HS3ST4: variants seen among roughly 807,000 people sequenced by gnomAD.
HS3ST4 encodes the protein heparan sulfate glucosamine 3-O-sulfotransferase 4.
A neutral mutation model predicts 29.2 loss-of-function variants in HS3ST4; 17 were observed. The ratio of observed to expected loss-of-function variants is 0.58; its 90% CI spans 0.40 to 0.87. HS3ST4 has a LOEUF of 0.87. Ranked by LOEUF, HS3ST4 falls within the 40% of genes least tolerant of loss-of-function variation. The probability of loss-of-function intolerance (pLI) is 0.00; values close to 1 mark genes in which losing one functional copy is unlikely to be tolerated. For missense variants in HS3ST4, 627 were observed against 634.5 expected (o/e 0.99, Z 0.13); for synonymous variants, 314 against 285.7 (o/e 1.10, Z -1.00).
rs180731856 is a variant in HS3ST4, at chr16:25,832,359, C to T, written c.734+139208C>T. On this transcript the variant is annotated intron_variant, in intron 1 of 1. Transcript: ENST00000331351. ...TGAACACAGAGAGCCCCTGGGCTGG[C>T]GGAGAGGCTAGGGCCCCACTGGCTC... 9.5e-4 allele frequency among the ~76,000 whole-genome samples: 144 copies of T among 152,266 alleles called. No homozygotes were observed. In the Middle Eastern group the frequency reaches 0.01, roughly 11 times the overall value.
chr16:26,029,498 C>T (rs187811844), intron 1 of HS3ST4, among the ~76,000 whole-genome samples: 17 of 152,186 alleles, frequency 1.1e-4, no homozygotes, highest in African/African-American at 2.9e-4. Context: ...CTGCAACCTC[C>T]GATTCCTGGG....
At chr16:26,066,536 C>T (rs2141773842) in intron 1 of HS3ST4, among the ~76,000 whole-genome samples, 1 of 152,140 alleles carries the variant, frequency 6.6e-6, no homozygotes, top group East Asian at 1.9e-4. Context: ...CCTTCTCTCC[C>T]TCTCTTCTTT....
intron 1 of HS3ST4, among the ~76,000 whole-genome samples, chr16:26,049,145 T>G (rs1898305539): frequency 6.6e-6 from 1 of 152,084 alleles, no homozygotes; most frequent in African/African-American, 2.4e-5. Context: ...ATTATTTCCT[T>G]ATTTTCTAAA....
intron 1 of HS3ST4, among the ~76,000 whole-genome samples, chr16:25,811,087 A>T (rs1259983606): frequency 7.2e-5 from 11 of 152,208 alleles, no homozygotes; most frequent in African/African-American, 2.7e-4. Flanking sequence ...AAAAAACAAC[A>T]AAAAATTGGT....
intron 1 of HS3ST4, among the ~76,000 whole-genome samples, chr16:25,706,341 C>G (rs1202433624): frequency 6.6e-6 from 1 of 152,082 alleles, no homozygotes; most frequent in East Asian, 1.9e-4. Context: ...TAACTTTCCA[C>G]CTTCTAGTTG....
intron 1 of HS3ST4, among the ~76,000 whole-genome samples, chr16:25,758,460 C>T (rs1966770360): frequency 6.6e-6 from 1 of 152,120 alleles, no homozygotes; most frequent in Non-Finnish European, 1.5e-5. Flanking sequence ...AAGTCTGCTC[C>T]CTTTAGGGTC....
chr16:25,901,355 A>G (rs141804483), intron 1 of HS3ST4, among the ~76,000 whole-genome samples: 18 of 152,288 alleles, frequency 1.2e-4, no homozygotes, highest in Non-Finnish European at 2.4e-4. Flanking sequence ...AGTACTAGAA[A>G]ATCTTCAGCA....
At chr16:25,909,354 A>G (rs1225782730) in intron 1 of HS3ST4, among the ~76,000 whole-genome samples, 3 of 151,966 alleles carry the variant, frequency 2.0e-5, no homozygotes, top group African/African-American at 4.8e-5. Context: ...GCACCCAGCT[A>G]ATTTTTATAT....
intron 1 of HS3ST4, among the ~76,000 whole-genome samples, chr16:25,835,571 T>C (rs1967348659): frequency 1.3e-5 from 2 of 152,286 alleles, no homozygotes; most frequent in East Asian, 1.9e-4. Flanking sequence ...ATGCTTTACA[T>C]GCACTTCCCA....
At chr16:26,120,942 G>A (rs558884171) in intron 1 of HS3ST4, among the ~76,000 whole-genome samples, 4 of 152,312 alleles carry the variant, frequency 2.6e-5, no homozygotes, top group South Asian at 2.1e-4. Context: ...GTGTAATAGC[G>A]ACAATAATTA....
At chr16:26,029,930 G>A (rs1969516803) in intron 1 of HS3ST4, among the ~76,000 whole-genome samples, 1 of 152,136 alleles carries the variant, frequency 6.6e-6, no homozygotes, top group African/African-American at 2.4e-5. Context: ...TGCACACACT[G>A]ACCTCTTTGC....
chr16:26,131,745 A>G lies in HS3ST4; in HGVS notation c.735-3867A>G, dbSNP rs144061259. ...ACTGGATCGGAGCCCCAGGTGAGAG[A>G]TGAAAGTGGGGAAAAGGAAGATTAA... On this transcript the variant is annotated intron_variant, in intron 1 of 1. Coordinates refer to ENST00000331351, the MANE Select transcript of HS3ST4 (RefSeq NM_006040.3). 6.5e-3 allele frequency among the ~76,000 whole-genome samples: 988 copies of G among 152,286 alleles called. 4 individuals are homozygous for G. Among genetic ancestry groups the G allele is most frequent in the Non-Finnish European group, 1.0e-2 (677 of 68,032 alleles).
chr16:25,852,884 G>A (rs541755536), intron 1 of HS3ST4, among the ~76,000 whole-genome samples: 1 of 152,106 alleles, frequency 6.6e-6, no homozygotes, highest in African/African-American at 2.4e-5. Context: ...AATTTTGTGT[G>A]TGCAATGTGA....
intron 1 of HS3ST4, among the ~76,000 whole-genome samples, chr16:25,734,300 A>G (rs900013518): frequency 2.0e-5 from 3 of 152,202 alleles, no homozygotes; most frequent in South Asian, 2.1e-4. Context: ...CAAGTATGTA[A>G]AAATCGCAGA....
At chr16:26,114,576 G>A (rs1036724023) in intron 1 of HS3ST4, among the ~76,000 whole-genome samples, 3 of 152,272 alleles carry the variant, frequency 2.0e-5, no homozygotes, top group African/African-American at 4.8e-5. Context: ...ATGGTGTGAC[G>A]GGTCAATAGT....
At chr16:25,731,667 T>C (rs186647453) in intron 1 of HS3ST4, among the ~76,000 whole-genome samples, 41 of 152,308 alleles carry the variant, frequency 2.7e-4, no homozygotes, top group African/African-American at 9.6e-4. Flanking sequence ...TGAGGTAGGA[T>C]ATTCCAAGGG....
intron 1 of HS3ST4, among the ~76,000 whole-genome samples, chr16:26,053,255 G>T (rs1898367334): frequency 6.6e-6 from 1 of 152,200 alleles, no homozygotes; most frequent in Non-Finnish European, 1.5e-5. Flanking sequence ...TGGAAGTCTA[G>T]GGTCTCCAAA....
chr16:25,859,045 C>T (rs1252958576), intron 1 of HS3ST4, among the ~76,000 whole-genome samples: 1 of 152,082 alleles, frequency 6.6e-6, no homozygotes, highest in Non-Finnish European at 1.5e-5. Context: ...CCACCCCACA[C>T]GTCCTTGGGT....
intron 1 of HS3ST4, among the ~76,000 whole-genome samples, chr16:26,094,507 C>A (rs1026520504): frequency 6.6e-6 from 1 of 152,116 alleles, no homozygotes; most frequent in Non-Finnish European, 1.5e-5. Context: ...TCATATCCAA[C>A]CAAACTAAGC....
Sources: allele counts gnomAD v4.1 joint callset (sites outside exome capture counted in the v4.1 genomes callset), GRCh38; gene constraint gnomAD v4.1.1; transcripts MANE v1.5; gene names NCBI Gene and HGNC (gene_info 2026-07-23, HGNC 2026-07-21).